Variants in PUDP observed in about 807,000 individuals in gnomAD.
PUDP encodes pseudouridine-5'-phosphatase.
PUDP carries 8 observed loss-of-function variants against 9.4 expected under a neutral mutation model. That is an observed-to-expected ratio of 0.85 (90% CI 0.50 to 1.53). The LOEUF is 1.53. Ranked by LOEUF, PUDP falls within the 40% of genes most tolerant of loss-of-function variation. PUDP has a pLI of 0.00. For missense variants in PUDP, 188 were observed against 189.7 expected (o/e 0.99, Z 0.05); for synonymous variants, 99 against 80.7 (o/e 1.23, Z -1.22).
intron 3 of PUDP, among the ~76,000 whole-genome samples, chrX:6,816,747 A>G (rs1926243801): frequency 1.0e-5 from 1 of 95,866 alleles, no homozygotes; most frequent in Admixed American, 1.3e-4. Context: ...CATAGTATAT[A>G]CGATATAGTA....
At chrX:7,045,970 A>G (rs1929978469), downstream of PUDP, among the ~76,000 whole-genome samples, 1 of 112,683 alleles carries the variant, frequency 8.9e-6, no homozygotes, top group Non-Finnish European at 1.9e-5. Context: ...CCTTGAAAAG[A>G]AAGTCAAATA....
At chrX:7,010,237 A>G (rs1043367901) in intron 1 of PUDP, among the ~76,000 whole-genome samples, 1 of 111,727 alleles carries the variant, frequency 9.0e-6, no homozygotes, top group Non-Finnish European at 1.9e-5. Flanking sequence ...CATCACTTCA[A>G]TGTCCTGGAA....
intron 3 of PUDP, among the ~76,000 whole-genome samples, chrX:6,881,001 T>C (rs906067613): frequency 1.3e-4 from 15 of 112,506 alleles, no homozygotes; most frequent in African/African-American, 4.8e-4. Context: ...AATGTATTAT[T>C]AGAGAATGAA....
At chrX:7,055,928 C>T (rs754211987) in intron 3 of PUDP, among the ~76,000 whole-genome samples, 8 of 111,922 alleles carry the variant, frequency 7.1e-5, no homozygotes, top group Non-Finnish European at 1.3e-4. Flanking sequence ...AGGAGGTTCA[C>T]CCTGACTGAA....
At position 6,900,326 on chromosome X, in the gene PUDP, T is replaced by TGGGG. The variant is rs55900364; in HGVS notation, c.*247+76803_*247+76806dup. On this transcript the variant is annotated intron_variant and NMD_transcript_variant, in intron 3 of 3. Coordinates refer to the PUDP transcript ENST00000655425. Reference sequence around the variant, plus strand: ...GATGACATTTTTGGTTGTCACCACTTGGGGGGGGGGGCGCTGCTACTGGCA... The same window carrying TGGGG: ...GATGACATTTTTGGTTGTCACCACTTGGGGGGGGGGGGGGGCGCTGCTACTGGCA... Among the ~76,000 whole-genome samples the TGGGG allele has an allele frequency of 2.2e-4, 18 of 81,587 alleles. No homozygotes were observed. The East Asian group carries it at 2.3e-3, about 10-fold the overall frequency. The allele number at this position is 81,587 out of a possible 115,157, so 70.8% of individuals were successfully genotyped here.
chrX:6,996,569 C>T (rs6639745), intron 1 of PUDP, among the ~76,000 whole-genome samples: 4 of 88,274 alleles, frequency 4.5e-5, no homozygotes, highest in Non-Finnish European at 9.4e-5. Context: ...TATATATATA[C>T]ACATATATAT....
At chrX:6,765,348 C>A in intron 3 of PUDP, among the ~76,000 whole-genome samples, 1 of 111,731 alleles carries the variant, frequency 9.0e-6, no homozygotes, top group African/African-American at 3.2e-5. Flanking sequence ...ATACCTAGAA[C>A]TAACCTTAAC....
intron 3 of PUDP, among the ~76,000 whole-genome samples, chrX:6,752,930 G>A (rs1468528608): frequency 9.0e-6 from 1 of 111,589 alleles, no homozygotes; most frequent in Non-Finnish European, 1.9e-5. Context: ...TTAAATATAT[G>A]CATATAGATA....
intron 3 of PUDP, among the ~76,000 whole-genome samples, chrX:6,784,837 G>C (rs1168821129): frequency 1.8e-5 from 2 of 112,058 alleles, no homozygotes; most frequent in Non-Finnish European, 3.8e-5. Flanking sequence ...GTGTAGACAA[G>C]CCTTTCATTT....
chrX:7,008,667 C>G (rs1393960041), intron 1 of PUDP, among the ~76,000 whole-genome samples: 5 of 112,160 alleles, frequency 4.5e-5, no homozygotes. Flanking sequence ...GGCATTTTCT[C>G]TTTACCATAA....
intron 3 of PUDP, among the ~76,000 whole-genome samples, chrX:6,824,696 C>T (rs1026359868): frequency 1.8e-5 from 2 of 111,742 alleles, no homozygotes; most frequent in African/African-American, 6.5e-5. Context: ...CTAAATGCTC[C>T]CATGTATATA....
rs190232250 is a variant in PUDP at position 6,795,655 on chromosome X, G to A, written c.*248-89189C>T. On this transcript the variant is annotated intron_variant and NMD_transcript_variant, in intron 3 of 3. Coordinates refer to the PUDP transcript ENST00000655425. ...AAACCTACCATTTGGCTTAAAGGAC[G>A]ACACCATTTCTATCTTCCAAGGCTT... 4.7e-4 allele frequency among the ~76,000 whole-genome samples: 52 copies of A among 111,509 alleles called. 1 individual carries two copies. In the East Asian group the frequency reaches 0.013, roughly 27 times the overall value.
intron 2 of PUDP, chrX:7,084,838 C>T (rs968407915): frequency 8.9e-6 from 1 of 111,876 alleles, no homozygotes; most frequent in East Asian, 2.8e-4. Flanking sequence ...CTTCAAAACA[C>T]GTTGTGTGTG....
intron 3 of PUDP, among the ~76,000 whole-genome samples, chrX:6,785,178 G>A (rs1391853422): frequency 4.5e-5 from 5 of 112,353 alleles, no homozygotes; most frequent in Non-Finnish European, 7.5e-5. Context: ...TTTCTGATTC[G>A]ATTTGATTCT....
chrX:7,146,908 A>C (rs893054463), intron 1 of PUDP, among the ~76,000 whole-genome samples: 1 of 106,304 alleles, frequency 9.4e-6, no homozygotes, highest in Non-Finnish European at 1.9e-5. Context: ...TTTGAAATGA[A>C]GGAATGATAT....
chrX:7,037,368 T>C (rs184645534), intron 1 of PUDP, among the ~76,000 whole-genome samples: 15 of 112,415 alleles, frequency 1.3e-4, no homozygotes, highest in Admixed American at 6.6e-4. Context: ...GTAGCTTTTA[T>C]CTTATTGACT....
At chrX:6,899,653 G>A (rs986977721) in intron 3 of PUDP, among the ~76,000 whole-genome samples, 3 of 106,994 alleles carry the variant, frequency 2.8e-5, no homozygotes, top group East Asian at 2.9e-4. Flanking sequence ...ATTTTAGCTC[G>A]TAAAACAAAT....
chrX:6,820,979 C>T (rs376798136), intron 3 of PUDP, among the ~76,000 whole-genome samples: 3 of 111,581 alleles, frequency 2.7e-5, no homozygotes, highest in East Asian at 5.7e-4. Flanking sequence ...GAGGGCCCTG[C>T]CCCTGCAGCA....
downstream of PUDP, among the ~76,000 whole-genome samples, chrX:7,045,467 T>C (rs1929972523): frequency 8.9e-6 from 1 of 112,154 alleles, no homozygotes; most frequent in Admixed American, 9.4e-5. Flanking sequence ...GCTTCTGGTC[T>C]AGCTTGCAGT....
Sources: gnomAD v4.1 joint callset for allele counts (sites outside exome capture counted in the v4.1 genomes callset) on GRCh38, gnomAD v4.1.1 for gene constraint, MANE v1.5 for transcripts, NCBI Gene and HGNC (gene_info 2026-07-23, HGNC 2026-07-21) for gene names.